Variants in GALNT17 observed in about 807,000 individuals in gnomAD.
GALNT17 encodes the protein UDP-GalNAc:polypeptide N-acetylgalactosaminyltransferase-like 3.
Under a neutral mutation model 63.7 loss-of-function variants are expected in GALNT17, and 29 were observed. The observed-to-expected ratio is 0.46, with a 90% confidence interval of 0.34 to 0.62. The LOEUF (loss-of-function observed/expected upper bound fraction) is 0.62, where lower values mean the gene tolerates loss of function less well. Among genes scored for constraint, GALNT17 ranks in the 20% least tolerant of loss-of-function variants. The probability of loss-of-function intolerance (pLI) is 0.01; values close to 1 mark genes in which losing one functional copy is unlikely to be tolerated. For synonymous variants in GALNT17, 305 were observed against 318.3 expected, an observed-to-expected ratio of 0.96 and a Z score of 0.45; for missense variants, 603 against 799.6, an observed-to-expected ratio of 0.75 and a Z score of 2.97.
At chr7:71,407,910 A>G (rs1793358156) in intron 3 of GALNT17, among the ~76,000 whole-genome samples, 1 of 152,062 alleles carries the variant, frequency 6.6e-6, no homozygotes, top group Non-Finnish European at 1.5e-5. Context: ...AGGGGTTGGG[A>G]AAGGGGAGAT....
chr7:71,242,490 G>A (rs926449185), intron 1 of GALNT17, among the ~76,000 whole-genome samples: 11 of 151,814 alleles, frequency 7.2e-5, no homozygotes, highest in South Asian at 6.2e-4. Context: ...GGATGGTCTC[G>A]ATCTCCTGAC....
chr7:71,649,154 G>A (rs1790721018), intron 6 of GALNT17, among the ~76,000 whole-genome samples: 1 of 152,192 alleles, frequency 6.6e-6, no homozygotes, highest in Non-Finnish European at 1.5e-5. Context: ...TTGGTGGCTT[G>A]CTGCAAGGTG....
In GALNT17 at chr7:71,685,310, G is replaced by A. The variant is rs1791335496; in HGVS notation, c.1500+8004G>A. 2.0e-5 allele frequency: 3 copies of A among 152,154 alleles called. No homozygotes were observed. The South Asian group carries it at 6.2e-4, about 32-fold the overall frequency. The allele number at this position is 152,154 out of a possible 1,614,324, so 9.4% of individuals were successfully genotyped here. On this transcript the variant is annotated intron_variant, in intron 9 of 10. Transcript: ENST00000333538. ...AGAGTATGGAGATCCTCCGGTGCTA[G>A]GATCAAGGGCTAGGGCTTCCACTCA...
At position 71,141,897 on chromosome 7, in the gene GALNT17, A is replaced by G. The variant is rs1434867430; in HGVS notation, c.238+8857A>G. Among the ~76,000 whole-genome samples the G allele has an allele frequency of 5.0e-5, 7 of 140,952 alleles. No homozygotes were observed. The East Asian group carries it at 1.5e-3, about 29-fold the overall frequency. The allele number at this position is 140,952 out of a possible 152,430, so 92.5% of individuals were successfully genotyped here. ...GTGTGTGTATGTGTGTATTTTTAGT[A>G]GAGACAGGGTTTCACCATATTGACC... is the stretch of plus-strand genomic sequence containing the variant. On this transcript the variant is annotated intron_variant, in intron 1 of 10. Transcript: ENST00000333538.
At chr7:71,259,658 T>TTTTTTTA (rs1562953742) in intron 1 of GALNT17, among the ~76,000 whole-genome samples, 1 of 150,416 alleles carries the variant, frequency 6.6e-6, no homozygotes, top group Non-Finnish European at 1.5e-5. Flanking sequence ...TTTTTTTTTT[T>TTTTTTTA]TGAGACGGAG....
intron 1 of GALNT17, among the ~76,000 whole-genome samples, chr7:71,300,053 G>C (rs1307525139): frequency 1.3e-5 from 2 of 152,046 alleles, no homozygotes; most frequent in Non-Finnish European, 2.9e-5. Context: ...GCTGGGATCA[G>C]AGTCGTAAGC....
intron 1 of GALNT17, among the ~76,000 whole-genome samples, chr7:71,315,702 G>A (rs190445865): frequency 1.6e-4 from 24 of 152,264 alleles, no homozygotes; most frequent in African/African-American, 5.3e-4. Flanking sequence ...TGTGAGACTG[G>A]AACCCTGAGG....
intron 5 of GALNT17, among the ~76,000 whole-genome samples, chr7:71,530,554 ATTTATTTATTTAT>A (rs1788701923): frequency 1.3e-5 from 1 of 75,974 alleles, no homozygotes; most frequent in Non-Finnish European, 3.1e-5. Flanking sequence ...TTATTTATTT[ATTTATTTATTTAT>A]TTATTTATTT....
chr7:71,155,768 A>T (rs1554333913), intron 1 of GALNT17, among the ~76,000 whole-genome samples: 3 of 151,922 alleles, frequency 2.0e-5, no homozygotes, highest in South Asian at 4.1e-4. Context: ...TTCTCTGGAG[A>T]TTTAAATAAG....
chr7:71,297,568 G>A (rs1019326578), intron 1 of GALNT17, among the ~76,000 whole-genome samples: 1 of 136,336 alleles, frequency 7.3e-6, no homozygotes, highest in Non-Finnish European at 1.6e-5. Flanking sequence ...GGCAGAGGTT[G>A]CAGTGAGCTG....
intron 6 of GALNT17, among the ~76,000 whole-genome samples, chr7:71,610,723 G>C (rs1054861501): frequency 6.6e-6 from 1 of 151,840 alleles, no homozygotes; most frequent in Admixed American, 6.6e-5. Context: ...GGCATGATGC[G>C]GTGGCTCATG....
intron 1 of GALNT17, among the ~76,000 whole-genome samples, chr7:71,264,576 T>C (rs1327675712): frequency 6.6e-6 from 1 of 152,092 alleles, no homozygotes; most frequent in Non-Finnish European, 1.5e-5. Context: ...AGAATCAAAC[T>C]AAGTGTCCAG....
In GALNT17 at chr7:71,362,733, C is replaced by G. The variant is rs371288151; in HGVS notation, c.423-25502C>G. Among the ~76,000 whole-genome samples, 39 of 152,158 alleles carry G rather than the reference C, an allele frequency of 2.6e-4. No homozygotes were observed. In the East Asian group the frequency reaches 7.6e-3, roughly 29 times the overall value. ...ACAAATCCATTTGTGTATATTTTTA[C>G]GGGAAACGCTCCACCTAACCCTGCC... On this transcript the variant is annotated intron_variant, in intron 2 of 10. Coordinates refer to ENST00000333538, the MANE Select transcript of GALNT17 (RefSeq NM_022479.3).
At chr7:71,554,792 G>C (rs564295442) in intron 5 of GALNT17, among the ~76,000 whole-genome samples, 79 of 152,366 alleles carry the variant, frequency 5.2e-4, no homozygotes, top group African/African-American at 1.8e-3. Flanking sequence ...AACTCCCCCA[G>C]GAGAGACCTT....
At chr7:71,698,032 A>C (rs764796253) in intron 9 of GALNT17, among the ~76,000 whole-genome samples, 15 of 150,862 alleles carry the variant, frequency 9.9e-5, no homozygotes, top group Non-Finnish European at 1.6e-4. Context: ...CTGAGGCAGG[A>C]GAATTGCTTG....
Position 71,655,697 on chromosome 7 carries a change from T to C in GALNT17, c.1081-9714T>C, listed in dbSNP as rs75927088. Among the ~76,000 whole-genome samples, 927 of 152,326 alleles carry C rather than the reference T, an allele frequency of 6.1e-3. 12 individuals carry two copies. The highest frequency in any genetic ancestry group is 0.021 in the African/African-American group (863 of 41,578). On this transcript the variant is annotated intron_variant, in intron 6 of 10. Coordinates refer to ENST00000333538, the MANE Select transcript of GALNT17 (RefSeq NM_022479.3). ...TAAAATGATTGATCTTTCTTGGGTC[T>C]ATCTCAGCTCTTGCTAGAGAACATC...
chr7:71,361,187 T>G (rs1295336360), intron 2 of GALNT17, among the ~76,000 whole-genome samples: 2 of 152,136 alleles, frequency 1.3e-5, no homozygotes, highest in Admixed American at 1.3e-4. Context: ...GCTTTTACAG[T>G]TTTTACTATC....
At chr7:71,495,121 C>T (rs766315880) in intron 5 of GALNT17, among the ~76,000 whole-genome samples, 5 of 152,024 alleles carry the variant, frequency 3.3e-5, no homozygotes, top group Non-Finnish European at 7.4e-5. Context: ...AAAAAAAATA[C>T]AGAAACTAGC....
intron 9 of GALNT17, among the ~76,000 whole-genome samples, chr7:71,702,651 TG>T (rs1791668718): frequency 6.6e-6 from 1 of 152,126 alleles, no homozygotes; most frequent in Admixed American, 6.5e-5. Context: ...TCACTCTGGA[TG>T]GTGTGTTGAT....
Sources: allele counts gnomAD v4.1 joint callset (sites outside exome capture counted in the v4.1 genomes callset), GRCh38; gene constraint gnomAD v4.1.1; transcripts MANE v1.5; gene names NCBI Gene and HGNC (gene_info 2026-07-23, HGNC 2026-07-21).